Variants in ABL2 observed in about 807,000 individuals in gnomAD.
The protein encoded by ABL2 is tyrosine-protein kinase ABL2.
In ABL2, 49 loss-of-function variants were observed where a neutral mutation model predicts 107.7. The observed-to-expected ratio is 0.45, with a 90% CI of 0.36 to 0.58. ABL2 has a LOEUF of 0.58. Ranked by LOEUF, ABL2 falls within the 20% of genes least tolerant of loss-of-function variation. The pLI, the probability that ABL2 is intolerant of heterozygous loss-of-function variation, is 0.00. For missense variants in ABL2, 1,245 were observed against 1,457.0 expected (o/e 0.85, Z 2.37); for synonymous variants, 549 against 548.6 (o/e 1.00, Z -0.01).
chr1:179,197,637 G>C (rs1278708837), intron 1 of ABL2, among the ~76,000 whole-genome samples: 2 of 151,994 alleles, frequency 1.3e-5, no homozygotes, highest in Non-Finnish European at 2.9e-5. Context: ...GGGAGGCCAA[G>C]GAGGGTGGAT....
At chr1:179,201,622 A>G (rs142151015) in intron 1 of ABL2, 47 of 442,716 alleles carry the variant, frequency 1.1e-4, no homozygotes, top group African/African-American at 8.8e-4. Flanking sequence ...TTGGCTGCCT[A>G]CATGGATACC....
rs181288208 is a variant in ABL2, at chr1:179,108,418, C to A, written c.2849G>T (p.Gly950Val). ...KHTPADVQLI[G>V]TDSQGNKFKL... Reference sequence around the variant, plus strand: ...GAATTTATTCCCCTGAGAGTCTGTGCCAATGAGCTGCACGTCAGCTGGAGT... The same window carrying A: ...GAATTTATTCCCCTGAGAGTCTGTGACAATGAGCTGCACGTCAGCTGGAGT... The change falls in exon 12 of 12, where the codon GGC (glycine) becomes GTC (valine). Residue 950 changes from glycine to valine, a missense_variant. Gly to Val is a moderately radical substitution (Grantham distance 109). Coordinates refer to ENST00000502732, the MANE Select transcript of ABL2 (RefSeq NM_007314.4). 1.9e-6 allele frequency: 3 copies of A among 1,614,208 alleles called. No homozygotes were observed. Among genetic ancestry groups the A allele is most frequent in the East Asian group, 2.2e-5 (1 of 44,884 alleles).
chr1:179,203,090 T>C (rs1053802870), intron 1 of ABL2, among the ~76,000 whole-genome samples: 1 of 152,244 alleles, frequency 6.6e-6, no homozygotes, highest in Admixed American at 6.5e-5. Flanking sequence ...GGTTTGTTTT[T>C]AGTTTTTGCT....
chr1:179,154,813 C>G (rs1392045613), intron 1 of ABL2, among the ~76,000 whole-genome samples: 2 of 152,106 alleles, frequency 1.3e-5, no homozygotes, highest in Non-Finnish European at 2.9e-5. Context: ...TATAGGTGTT[C>G]TGAGATAATT....
At chr1:179,208,694 T>C (rs1282113409) in intron 1 of ABL2, among the ~76,000 whole-genome samples, 1 of 152,164 alleles carries the variant, frequency 6.6e-6, no homozygotes, top group African/African-American at 2.4e-5. Context: ...AATGTCCTTG[T>C]CTGTAAAGCC....
intron 10 of ABL2, chr1:179,110,687 C>G: frequency 2.5e-6 from 4 of 1,581,120 alleles, no homozygotes; most frequent in Non-Finnish European, 3.5e-6. Context: ...GTGTAGCATG[C>G]CAACGTGTGA....
intron 5 of ABL2, 69 bp downstream of exon 5, chr1:179,121,526 G>A (rs1557924294): frequency 6.4e-7 from 1 of 1,552,236 alleles, no homozygotes; most frequent in Non-Finnish European, 8.8e-7. Flanking sequence ...AGAAGGGCAT[G>A]CTGATATTTC....
intron 1 of ABL2, among the ~76,000 whole-genome samples, chr1:179,173,578 C>T (rs1289353356): frequency 2.0e-5 from 3 of 151,982 alleles, no homozygotes; most frequent in Non-Finnish European, 4.4e-5. Flanking sequence ...TCTCGATCTC[C>T]TGACCTCGTG....
At chr1:179,113,036 G>C (rs1313053576) in intron 9 of ABL2, among the ~76,000 whole-genome samples, 2 of 152,198 alleles carry the variant, frequency 1.3e-5, no homozygotes, top group African/African-American at 2.4e-5. Context: ...TTACAGGCTT[G>C]AGCCACTGCA....
At chr1:179,188,208 A>C (rs1660783000) in intron 1 of ABL2, among the ~76,000 whole-genome samples, 1 of 152,042 alleles carries the variant, frequency 6.6e-6, no homozygotes, top group Non-Finnish European at 1.5e-5. Flanking sequence ...CTCTGCTCAA[A>C]CGTTACCCCA....
At chr1:179,113,858 C>G (rs569806647) in intron 9 of ABL2, among the ~76,000 whole-genome samples, 1 of 151,662 alleles carries the variant, frequency 6.6e-6, no homozygotes, top group African/African-American at 2.4e-5. Flanking sequence ...GGCATCAACC[C>G]GAGAGGTGGA....
rs1255487964 is a variant in ABL2, at chr1:179,105,309, G to A, written c.*2409C>T. 3.5e-5 allele frequency: 8 copies of A among 230,676 alleles called. No homozygotes were observed. Among genetic ancestry groups the A allele is most frequent in the African/African-American group, 1.8e-4 (8 of 45,094 alleles). 14.3% of individuals were successfully genotyped at this position (230,676 alleles called of 1,614,324 possible). On this transcript the variant is annotated 3_prime_UTR_variant, in exon 12 of 12. Transcript: ENST00000502732. ...ACTCTCAAGGGAAAATAGAGCCCTT[G>A]CTTAAAAAACAAAAAACAAAAAAAC...
chr1:179,227,870 G>A (rs984120782), intron 1 of ABL2, among the ~76,000 whole-genome samples: 26 of 151,750 alleles, frequency 1.7e-4, no homozygotes, highest in Admixed American at 1.5e-3. Flanking sequence ...GGCCAACATA[G>A]AGAAACCCCA....
rs1420454181 is a variant in ABL2, at chr1:179,106,317, C to T, written c.*1401G>A. ...GGAAGGAAGGAAAAGGCCTATTTTT[C>T]AAGGGCAAAACATATTTAAGGATTA... On this transcript the variant is annotated 3_prime_UTR_variant, in exon 12 of 12. Coordinates refer to ENST00000502732, the MANE Select transcript of ABL2 (RefSeq NM_007314.4). The T allele has an allele frequency of 4.3e-6, 1 of 229,956 alleles. No individual in the cohort carries two copies. The allele number at this position is 229,956 out of a possible 1,614,324, so 14.2% of individuals were successfully genotyped here.
chr1:179,203,910 T>A (rs1454192282), intron 1 of ABL2, among the ~76,000 whole-genome samples: 1 of 152,200 alleles, frequency 6.6e-6, no homozygotes, highest in Non-Finnish European at 1.5e-5. Flanking sequence ...TTATTTAACA[T>A]CCCAGTAATT....
intron 1 of ABL2, among the ~76,000 whole-genome samples, chr1:179,155,913 C>T (rs908511238): frequency 6.6e-6 from 1 of 152,036 alleles, no homozygotes; most frequent in Non-Finnish European, 1.5e-5. Flanking sequence ...AAAGGATGAG[C>T]TGAACAAAAA....
intron 1 of ABL2, among the ~76,000 whole-genome samples, chr1:179,227,127 A>G (rs1365642396): frequency 6.6e-6 from 1 of 152,206 alleles, no homozygotes; most frequent in African/African-American, 2.4e-5. Flanking sequence ...TCCATAACCC[A>G]GTCCCATCCA....
chr1:179,142,945 G>A (rs1450424169), intron 1 of ABL2: 1 of 1,614,136 alleles, frequency 6.2e-7, no homozygotes, highest in Admixed American at 1.7e-5. Context: ...GTTAAGTCGG[G>A]TAGAGCAGAT....
intron 1 of ABL2, among the ~76,000 whole-genome samples, chr1:179,178,878 C>T (rs780672574): frequency 6.6e-6 from 1 of 152,066 alleles, no homozygotes; most frequent in Non-Finnish European, 1.5e-5. Flanking sequence ...GCACTCCAGC[C>T]TGGGCAACAG....
Sources: allele counts gnomAD v4.1 joint callset (sites outside exome capture counted in the v4.1 genomes callset), GRCh38; gene constraint gnomAD v4.1.1; transcripts MANE v1.5; gene names NCBI Gene and HGNC (gene_info 2026-07-23, HGNC 2026-07-21).